NCOA2: variants seen among roughly 807,000 people sequenced by gnomAD.
The protein encoded by NCOA2 is nuclear receptor coactivator 2, also known as class E basic helix-loop-helix protein 75.
In NCOA2, 21 loss-of-function variants were observed where a neutral mutation model predicts 145.1. The observed-to-expected ratio is 0.14, with a 90% CI of 0.10 to 0.21. The LOEUF is 0.21. NCOA2 is among the 10% of genes least tolerant of loss of function. NCOA2 has a pLI of 1.00. For missense variants in NCOA2, 1,472 were observed against 1,837.6 expected, an observed-to-expected ratio of 0.80 and a Z score of 3.64; for synonymous variants, 619 against 637.5, an observed-to-expected ratio of 0.97 and a Z score of 0.44.
intron 2 of NCOA2, among the ~76,000 whole-genome samples, chr8:70,292,767 T>C (rs956136556): frequency 6.6e-6 from 1 of 152,222 alleles, no homozygotes; most frequent in Non-Finnish European, 1.5e-5. Flanking sequence ...TGGTGCTGAA[T>C]GATTTAGTTT....
chr8:70,162,138 G>C (rs760949474), intron 9 of NCOA2, among the ~76,000 whole-genome samples: 1 of 152,160 alleles, frequency 6.6e-6, no homozygotes, highest in Admixed American at 6.5e-5. Flanking sequence ...GGAGGCAAAA[G>C]GGATAATGCC....
chr8:70,223,242 A>G (rs1820321271), intron 2 of NCOA2, among the ~76,000 whole-genome samples: 1 of 152,238 alleles, frequency 6.6e-6, no homozygotes, highest in South Asian at 2.1e-4. Context: ...ACTTGTCCAG[A>G]CTAAAATTCA....
intron 1 of NCOA2, among the ~76,000 whole-genome samples, chr8:70,347,712 C>T (rs12676045): frequency 0.24 from 36,964 of 151,902 alleles, 5,631 homozygotes; most frequent in East Asian, 0.57. Flanking sequence ...AACCTAGCCC[C>T]GCTACAGCAC....
chr8:70,294,527 T>C (rs571728907), intron 2 of NCOA2, among the ~76,000 whole-genome samples: 1 of 152,298 alleles, frequency 6.6e-6, no homozygotes, highest in African/African-American at 2.4e-5. Flanking sequence ...ACATTTCAAA[T>C]GAGTCGTCAT....
chr8:70,400,733 G>T (rs141576935), intron 1 of NCOA2, among the ~76,000 whole-genome samples: 3 of 152,230 alleles, frequency 2.0e-5, no homozygotes, highest in African/African-American at 7.2e-5. Context: ...CACCCAAAAT[G>T]ATCCTGAATT....
At chr8:70,445,553 T>C in the NCOA2 span, among the ~76,000 whole-genome samples, 2 of 152,220 alleles carry the variant, frequency 1.3e-5, no homozygotes, top group African/African-American at 4.8e-5. Context: ...GGAATTTTTC[T>C]GGGCCTTTTA....
intron 2 of NCOA2, chr8:70,273,398 G>T: frequency 2.6e-6 from 2 of 754,994 alleles, no homozygotes; most frequent in South Asian, 3.7e-5. Context: ...CATGAACCAG[G>T]AAAAACTCGC....
intron 1 of NCOA2, among the ~76,000 whole-genome samples, chr8:70,308,252 C>T (rs774032203): frequency 1.2e-4 from 18 of 151,986 alleles, no homozygotes; most frequent in South Asian, 4.1e-4. Context: ...GCTAAATTTT[C>T]CTTTTATTTT....
intron 2 of NCOA2, among the ~76,000 whole-genome samples, chr8:70,262,085 A>G (rs1315780674): frequency 6.6e-6 from 1 of 152,030 alleles, no homozygotes; most frequent in African/African-American, 2.4e-5. Flanking sequence ...AGCACCTCAC[A>G]CTCTAATACC....
intron 1 of NCOA2, among the ~76,000 whole-genome samples, chr8:70,314,136 C>T (rs1007797050): frequency 1.4e-5 from 2 of 138,058 alleles, no homozygotes; most frequent in African/African-American, 2.8e-5. Context: ...GCCGAGATCA[C>T]GCCACTGCAC....
intron 4 of NCOA2, among the ~76,000 whole-genome samples, chr8:70,207,126 A>G (rs1400772907): frequency 1.3e-5 from 2 of 152,220 alleles, no homozygotes; most frequent in Admixed American, 6.5e-5. Flanking sequence ...TATATACTCA[A>G]TACAAAATTT....
intron 2 of NCOA2, among the ~76,000 whole-genome samples, chr8:70,243,012 C>T (rs1347483881): frequency 6.6e-6 from 1 of 152,100 alleles, no homozygotes; most frequent in East Asian, 1.9e-4. Flanking sequence ...TCAACACCTG[C>T]ACCTCTTAAC....
intron 1 of NCOA2, among the ~76,000 whole-genome samples, chr8:70,324,610 C>G (rs1242855178): frequency 6.6e-6 from 1 of 151,624 alleles, no homozygotes; most frequent in African/African-American, 2.4e-5. Flanking sequence ...CAAAAGCTCA[C>G]GAGCCATGGT....
chr8:70,406,808 G>C (rs1197146081), upstream of NCOA2, among the ~76,000 whole-genome samples: 1 of 152,042 alleles, frequency 6.6e-6, no homozygotes, highest in Non-Finnish European at 1.5e-5. Flanking sequence ...CATAAAAGTG[G>C]GAGATTCTAT....
At chr8:70,184,981 A>G (rs1361436858) in intron 4 of NCOA2, among the ~76,000 whole-genome samples, 1 of 152,094 alleles carries the variant, frequency 6.6e-6, no homozygotes, top group Non-Finnish European at 1.5e-5. Context: ...CTTGCTCCCC[A>G]ATGCATTTTG....
intron 4 of NCOA2, among the ~76,000 whole-genome samples, chr8:70,213,264 T>C (rs1819243249): frequency 1.3e-5 from 2 of 152,160 alleles, no homozygotes; most frequent in Admixed American, 6.5e-5. Flanking sequence ...GTCAAATGTG[T>C]TCTTAAAAAC....
At chr8:70,330,809 T>A (rs371047403) in intron 1 of NCOA2, among the ~76,000 whole-genome samples, 6 of 152,198 alleles carry the variant, frequency 3.9e-5, no homozygotes, top group African/African-American at 1.4e-4. Context: ...TATGGCTGTG[T>A]GCAATACACT....
At chr8:70,293,176 C>T (rs1313866564) in intron 2 of NCOA2, among the ~76,000 whole-genome samples, 1 of 152,122 alleles carries the variant, frequency 6.6e-6, no homozygotes, top group African/African-American at 2.4e-5. Context: ...TCAGTATTCT[C>T]AATTTTAGTT....
At chr8:70,363,408 T>C (rs1238626362) in intron 1 of NCOA2, among the ~76,000 whole-genome samples, 1 of 151,516 alleles carries the variant, frequency 6.6e-6, no homozygotes, top group Non-Finnish European at 1.5e-5. Flanking sequence ...TAAACAAGTT[T>C]AAACTTACCA....
Sources: gnomAD v4.1 joint callset for allele counts (sites outside exome capture counted in the v4.1 genomes callset) on GRCh38, gnomAD v4.1.1 for gene constraint, MANE v1.5 for transcripts, NCBI Gene and HGNC (gene_info 2026-07-23, HGNC 2026-07-21) for gene names.